NOB1: variants seen among roughly 807,000 people sequenced by gnomAD.
NOB1 encodes the protein NIN1 (RPN12) binding protein 1 homolog.
Under a neutral mutation model 44.8 loss-of-function variants are expected in NOB1, and 44 were observed. The ratio of observed to expected loss-of-function variants is 0.98; its 90% confidence interval spans 0.77 to 1.26. The LOEUF (loss-of-function observed/expected upper bound fraction) is 1.26, where lower values mean the gene tolerates loss of function less well. Ranked by LOEUF, NOB1 falls within the 50% of genes most tolerant of loss-of-function variation. The probability of loss-of-function intolerance (pLI) is 0.00; values close to 1 mark genes in which losing one functional copy is unlikely to be tolerated. For missense variants in NOB1, 560 were observed against 544.8 expected (o/e 1.03, Z -0.28); for synonymous variants, 238 against 218.7 (o/e 1.09, Z -0.78).
intron 6 of NOB1, 33 bp downstream of exon 6, chr16:69,748,885 G>GT: frequency 6.5e-7 from 1 of 1,541,118 alleles, no homozygotes. Context: ...CCGATGACGT[G>GT]TGTGACACAC....
chr16:69,750,540 C>T (rs1488052782), intron 3 of NOB1, among the ~76,000 whole-genome samples: 3 of 152,082 alleles, frequency 2.0e-5, no homozygotes, highest in Non-Finnish European at 4.4e-5. Flanking sequence ...GGTAGGAGGA[C>T]TGCTTGTGCT....
chr16:69,748,926 C>T lies in NOB1; in HGVS notation c.718G>A (p.Ala240Thr), dbSNP rs748142401. The T allele has an allele frequency of 3.4e-5, 54 of 1,604,618 alleles. No individual in the cohort carries two copies. Among genetic ancestry groups the T allele is most frequent in the South Asian group, 2.2e-5 (2 of 89,858 alleles). The change falls in exon 6 of 9, where the codon GCC becomes ACC. Residue 240 changes from alanine to threonine, a missense_variant. By Grantham distance (58) the Ala-to-Thr change is moderately conservative. Transcript: ENST00000268802. The stretch of plus-strand genomic sequence containing the variant: ...AGGCCCACCCTACCCACCTGCATGG[C>T]GAAGTCTGTGGTCAGGCAGCCAACC... ...VRVGCLTTDF[A>T]MQNVLLQMGL...
At chr16:69,753,939 G>A (rs1027426522) in intron 2 of NOB1, among the ~76,000 whole-genome samples, 3 of 152,138 alleles carry the variant, frequency 2.0e-5, no homozygotes, top group African/African-American at 7.2e-5. Flanking sequence ...CCAAGTAGCT[G>A]GGATTACAGG....
intron 2 of NOB1, among the ~76,000 whole-genome samples, chr16:69,754,301 C>A (rs895995812): frequency 1.3e-5 from 2 of 152,150 alleles, no homozygotes; most frequent in Admixed American, 1.3e-4. Context: ...GAGCTGACTG[C>A]CATATTCCTC....
intron 3 of NOB1, among the ~76,000 whole-genome samples, chr16:69,751,412 A>T (rs1011463591): frequency 6.6e-6 from 1 of 152,104 alleles, no homozygotes; most frequent in African/African-American, 2.4e-5. Context: ...TACAGATCAA[A>T]AGAGACTAAT....
At chr16:69,743,327 A>G (rs2038400661) in intron 8 of NOB1, among the ~76,000 whole-genome samples, 1 of 152,216 alleles carries the variant, frequency 6.6e-6, no homozygotes, top group South Asian at 2.1e-4. Flanking sequence ...TCACTATAAT[A>G]ACTGTTTCAG....
chr16:69,744,499 G>C (rs915600317), intron 8 of NOB1, among the ~76,000 whole-genome samples: 14 of 151,960 alleles, frequency 9.2e-5, no homozygotes, highest in African/African-American at 2.9e-4. Context: ...TCTCTGCGTC[G>C]GCAGCTGCTG....
At chr16:69,742,887 CATGT>C (rs757586473) in intron 8 of NOB1, among the ~76,000 whole-genome samples, 1 of 152,168 alleles carries the variant, frequency 6.6e-6, no homozygotes, top group African/African-American at 2.4e-5. Context: ...TTTACACACA[CATGT>C]ATGTATTTCC....
At chr16:69,742,867 C>T (rs1460167183) in intron 8 of NOB1, among the ~76,000 whole-genome samples, 1 of 152,178 alleles carries the variant, frequency 6.6e-6, no homozygotes, top group Non-Finnish European at 1.5e-5. Context: ...ACAAAACATT[C>T]CAGTGTGTAT....
rs779460417 is a variant in NOB1 at position 69,749,609 on chromosome 16, G to C, written c.349C>G (p.Gln117Glu). 2.5e-6 allele frequency: 4 copies of C among 1,613,006 alleles called. No individual in the cohort carries two copies. The highest frequency in any genetic ancestry group is 3.4e-6 in the Non-Finnish European group (4 of 1,179,616). Residue 117 changes from glutamine to glutamate, a missense_variant, in exon 4 of 9, where the codon CAG (glutamine) becomes GAG (glutamate). Transcript: ENST00000268802. ...PQKVKVSSSIQHPETPLHISG... is the reference protein window; with the variant it reads ...PQKVKVSSSIEHPETPLHISG... The stretch of plus-strand genomic sequence containing the variant: ...ATGTGCAGAGGTGTTTCTGGGTGCT[G>C]AATCGATGAGCTCACCTTAACCTTT...
At chr16:69,744,760 T>C in intron 8 of NOB1, 113 bp downstream of exon 8, 1 of 1,241,190 alleles carries the variant, frequency 8.1e-7, no homozygotes, top group South Asian at 1.4e-5. Context: ...GGTACCTAGG[T>C]CACAGGCTTT....
Position 69,749,071 on chromosome 16 carries a change from T to C in NOB1, c.573A>G (p.Glu191=), listed in dbSNP as rs1309852111. 6.2e-7 allele frequency: 1 copy of C among 1,614,262 alleles called. No homozygotes were observed. Among genetic ancestry groups the C allele is most frequent in the Admixed American group, 1.7e-5 (1 of 60,030 alleles). ...DVPSEEEEEE[E]NGFEDRKDDS... ...CATCTTTTCTGTCTTCAAACCCGTT[T>C]TCTTCCTCCTCCTCCTCCTCACTTG... The change falls in exon 6 of 9, where the codon GAA becomes GAG. Residue 191 remains glutamate (E), a synonymous_variant. Coordinates refer to ENST00000268802, the MANE Select transcript of NOB1 (RefSeq NM_014062.3).
intron 3 of NOB1, among the ~76,000 whole-genome samples, chr16:69,750,511 C>T (rs2038474093): frequency 6.6e-6 from 1 of 151,916 alleles, no homozygotes; most frequent in Admixed American, 6.6e-5. Flanking sequence ...CCTACAGTCC[C>T]AGCTACTCGG....
chr16:69,749,842 G>A (rs2038467723), intron 3 of NOB1, among the ~76,000 whole-genome samples: 1 of 151,638 alleles, frequency 6.6e-6, no homozygotes, highest in African/African-American at 2.4e-5. Flanking sequence ...GCCTGGCGTG[G>A]TGGCAGGCAC....
Position 69,754,591 on chromosome 16 carries a change from C to T in NOB1, c.196+3G>A. The T allele has an allele frequency of 6.2e-7, 1 of 1,614,010 alleles. No individual in the cohort carries two copies. The highest frequency in any genetic ancestry group is 8.5e-7 in the Non-Finnish European group (1 of 1,179,988). ...CCGTCAACGCTAGGGCAGAGGCACT[C>T]ACCCAGCCGCACGTATTCCGGTAAG... On this transcript the variant is annotated splice_donor_region_variant and intron_variant, in intron 2 of 8. Transcript: ENST00000268802.
At position 69,754,670 on chromosome 16, in the gene NOB1, C is replaced by G. The variant is rs1220656545; in HGVS notation, c.120G>C (p.Lys40Asn). The G allele has an allele frequency of 1.2e-6, 2 of 1,614,236 alleles. No individual in the cohort carries two copies. Among genetic ancestry groups the G allele is most frequent in the African/African-American group, 2.7e-5 (2 of 75,068 alleles). Residue 40 changes from lysine (K) to asparagine (N), a missense_variant, in exon 2 of 9, where the codon AAG (lysine) becomes AAC (asparagine). Transcript: ENST00000268802. Reference sequence around the variant, plus strand: ...GGACAGCGAGCCGCCTGCGTGTGGCCTTGTCCCGAATCTCAGTGACCACCT... The same window carrying G: ...GGACAGCGAGCCGCCTGCGTGTGGCGTTGTCCCGAATCTCAGTGACCACCT... ...IREVVTEIRDKATRRRLAVLP... is the reference protein window; with the variant it reads ...IREVVTEIRDNATRRRLAVLP...
intron 8 of NOB1, 127 bp downstream of exon 8, chr16:69,744,746 T>G: frequency 9.4e-7 from 1 of 1,061,298 alleles, no homozygotes; most frequent in African/African-American, 1.6e-5. Flanking sequence ...CCCCACTCCG[T>G]CTTGGTACCT....
intron 8 of NOB1, among the ~76,000 whole-genome samples, chr16:69,743,370 T>A (rs1051389190): frequency 2.6e-5 from 4 of 152,196 alleles, no homozygotes; most frequent in Non-Finnish European, 5.9e-5. Flanking sequence ...AGAAATAATA[T>A]ATACAAAGTC....
At chr16:69,743,578 C>A (rs1381597925) in intron 8 of NOB1, among the ~76,000 whole-genome samples, 1 of 152,192 alleles carries the variant, frequency 6.6e-6, no homozygotes, top group Non-Finnish European at 1.5e-5. Flanking sequence ...TAGCCCCAAT[C>A]TAATCCAATC....
Sources: gnomAD v4.1 joint callset for allele counts (sites outside exome capture counted in the v4.1 genomes callset) on GRCh38, gnomAD v4.1.1 for gene constraint, MANE v1.5 for transcripts, NCBI Gene and HGNC (gene_info 2026-07-23, HGNC 2026-07-21) for gene names.